The following DLC1 variants were observed in gnomAD, a reference collection of about 807,000 sequenced individuals.
The protein encoded by DLC1 is DLC1 Rho GTPase activating protein, also known as rho GTPase-activating protein 7.
In DLC1, 54 loss-of-function variants were observed where a neutral mutation model predicts 140.3. The observed-to-expected ratio is 0.38, with a 90% confidence interval of 0.31 to 0.48. The LOEUF (loss-of-function observed/expected upper bound fraction) is 0.48, where lower values mean the gene tolerates loss of function less well. DLC1 is among the 20% of genes least tolerant of loss of function. DLC1 has a pLI of 0.96. For synonymous variants in DLC1, 986 were observed against 728.1 expected, an observed-to-expected ratio of 1.35 and a Z score of -5.70; for missense variants, 2,536 against 1,907.0, an observed-to-expected ratio of 1.33 and a Z score of -6.14.
At chr8:13,553,693 A>G (rs1431668445) in intron 1 of DLC1, among the ~76,000 whole-genome samples, 5 of 151,920 alleles carry the variant, frequency 3.3e-5, no homozygotes, top group Non-Finnish European at 5.9e-5. Flanking sequence ...AATTTTTAAA[A>G]GAGTTCTCTA....
intron 2 of DLC1, among the ~76,000 whole-genome samples, chr8:13,449,228 T>C (rs1798933178): frequency 6.6e-6 from 1 of 152,144 alleles, no homozygotes. Flanking sequence ...GAGTAAATAA[T>C]AGTCTTTGGA....
chr8:13,574,528 A>G (rs1218961334), intron 1 of DLC1, among the ~76,000 whole-genome samples: 1 of 152,122 alleles, frequency 6.6e-6, no homozygotes, highest in Non-Finnish European at 1.5e-5. Context: ...GAAGCCACAT[A>G]TTTTCCTAAT....
At chr8:13,323,359 T>C (rs960388609) in intron 4 of DLC1, among the ~76,000 whole-genome samples, 3 of 152,222 alleles carry the variant, frequency 2.0e-5, no homozygotes, top group African/African-American at 7.2e-5. Flanking sequence ...AAAGCTCCTT[T>C]AGAAGATGGT....
chr8:13,161,071 ACTCCGT>A (rs1824657184), intron 5 of DLC1, among the ~76,000 whole-genome samples: 1 of 152,090 alleles, frequency 6.6e-6, no homozygotes, highest in Non-Finnish European at 1.5e-5. Flanking sequence ...ACAGAGCGAG[ACTCCGT>A]CTCAAAAAGA....
chr8:13,356,059 C>T (rs1054465757), intron 4 of DLC1, among the ~76,000 whole-genome samples: 4 of 119,824 alleles, frequency 3.3e-5, no homozygotes, highest in Non-Finnish European at 4.7e-5. Context: ...CACTGCACTG[C>T]AGCCTGAGTG....
chr8:13,200,753 T>C (rs1675210383), intron 5 of DLC1, among the ~76,000 whole-genome samples: 1 of 152,052 alleles, frequency 6.6e-6, no homozygotes, highest in Non-Finnish European at 1.5e-5. Flanking sequence ...GACAGGTCCA[T>C]GCCCAGCTGT....
chr8:13,316,622 C>G (rs905562477), intron 4 of DLC1, among the ~76,000 whole-genome samples: 1 of 152,058 alleles, frequency 6.6e-6, no homozygotes, highest in African/African-American at 2.4e-5. Flanking sequence ...GTTGGATTAT[C>G]TAATCCTCTG....
At chr8:13,553,752 C>T (rs1012274305) in intron 1 of DLC1, among the ~76,000 whole-genome samples, 2 of 152,036 alleles carry the variant, frequency 1.3e-5, no homozygotes, top group East Asian at 1.9e-4. Context: ...AGAACAAATG[C>T]CCATCAGTCT....
At chr8:13,102,923 T>C in intron 7 of DLC1, 70 bp from the exon 8 acceptor site, 1 of 1,289,822 alleles carries the variant, frequency 7.8e-7, no homozygotes, top group East Asian at 2.3e-5. Flanking sequence ...AACACCTGTT[T>C]TTAAACAATT....
chr8:13,088,757 T>A (rs146619556), intron 15 of DLC1, 53 bp from the exon 16 acceptor site: 1 of 1,546,924 alleles, frequency 6.5e-7, no homozygotes, highest in African/African-American at 1.4e-5. Context: ...ACACCTAGTT[T>A]TTGAAGTCGA....
At chr8:13,544,014 TA>T (rs1336669873) in intron 1 of DLC1, among the ~76,000 whole-genome samples, 1 of 151,694 alleles carries the variant, frequency 6.6e-6, no homozygotes. Context: ...TACAAAAATT[TA>T]AAAAAATAAA....
intron 1 of DLC1, chr8:13,558,008 G>C (rs1804112067): frequency 6.6e-6 from 1 of 152,198 alleles, no homozygotes; most frequent in Non-Finnish European, 1.5e-5. Flanking sequence ...ATTGGCACTA[G>C]TAAAATTCTG....
chr8:13,184,966 AT>A (rs1554464215), intron 5 of DLC1, among the ~76,000 whole-genome samples: 2 of 152,048 alleles, frequency 1.3e-5, no homozygotes, highest in Non-Finnish European at 2.9e-5. Context: ...GACTTGCTTT[AT>A]GAATCTGGGT....
chr8:13,385,179 C>G (rs1836461808), intron 4 of DLC1, among the ~76,000 whole-genome samples: 1 of 152,060 alleles, frequency 6.6e-6, no homozygotes, highest in Admixed American at 6.6e-5. Flanking sequence ...CATATTATAA[C>G]TAATTTGGTA....
intron 4 of DLC1, among the ~76,000 whole-genome samples, chr8:13,345,390 CT>C (rs1834281257): frequency 6.6e-6 from 1 of 151,908 alleles, no homozygotes; most frequent in Non-Finnish European, 1.5e-5. Flanking sequence ...AATGATTCTC[CT>C]TGAATCAATA....
intron 2 of DLC1, among the ~76,000 whole-genome samples, chr8:13,495,923 G>T (rs1313024010): frequency 1.3e-5 from 2 of 152,114 alleles, no homozygotes; most frequent in Non-Finnish European, 2.9e-5. Context: ...AAATCAATGT[G>T]CACAAATTTA....
At chr8:13,155,895 G>T (rs944548589) in intron 5 of DLC1, among the ~76,000 whole-genome samples, 2 of 152,058 alleles carry the variant, frequency 1.3e-5, no homozygotes, top group African/African-American at 4.8e-5. Flanking sequence ...TATTTTATAA[G>T]AGTGAAATAT....
intron 1 of DLC1, among the ~76,000 whole-genome samples, chr8:13,506,680 T>TAC (rs1206714790): frequency 3.3e-5 from 5 of 151,176 alleles, no homozygotes; most frequent in African/African-American, 1.2e-4. Context: ...TATATAAATA[T>TAC]ACACACACAC....
At chr8:13,420,441 G>A (rs1009584694) in intron 2 of DLC1, among the ~76,000 whole-genome samples, 16 of 152,078 alleles carry the variant, frequency 1.1e-4, no homozygotes, top group African/African-American at 3.9e-4. Context: ...GTGCAAACTT[G>A]CAGGTTTGTT....
Sources: allele counts gnomAD v4.1 joint callset (sites outside exome capture counted in the v4.1 genomes callset), GRCh38; gene constraint gnomAD v4.1.1; transcripts MANE v1.5; gene names NCBI Gene and HGNC (gene_info 2026-07-23, HGNC 2026-07-21).